PTPRD: variants seen among roughly 807,000 people sequenced by gnomAD.
PTPRD encodes the protein protein tyrosine phosphatase receptor type D.
A neutral mutation model predicts 214.5 loss-of-function variants in PTPRD; 34 were observed. The ratio of observed to expected loss-of-function variants is 0.16; its 90% CI spans 0.12 to 0.21. PTPRD has a LOEUF of 0.21. PTPRD is among the 10% of genes least tolerant of loss of function. PTPRD has a pLI of 1.00. For missense variants in PTPRD, 2,545 were observed against 2,398.7 expected (o/e 1.06, Z -1.27); for synonymous variants, 1,128 against 845.7 (o/e 1.33, Z -5.79).
At chr9:9,275,833 A>ATGTGTGTG (rs71500979) in intron 9 of PTPRD, among the ~76,000 whole-genome samples, 7 of 143,192 alleles carry the variant, frequency 4.9e-5, no homozygotes, top group Non-Finnish European at 1.1e-4. Flanking sequence ...GTGTGTGTGT[A>ATGTGTGTG]TGTGTGTGTG....
chr9:8,986,931 G>T (rs1158423552), intron 11 of PTPRD, among the ~76,000 whole-genome samples: 2 of 151,958 alleles, frequency 1.3e-5, no homozygotes, highest in African/African-American at 2.4e-5. Flanking sequence ...GGACTAAGGA[G>T]GCTGAATATT....
chr9:8,364,833 A>G (rs2134054330), intron 39 of PTPRD, among the ~76,000 whole-genome samples: 1 of 152,242 alleles, frequency 6.6e-6, no homozygotes, highest in Non-Finnish European at 1.5e-5. Context: ...CCCATTATTC[A>G]TGGGCTTGAA....
At chr9:8,914,546 C>T (rs1330525436) in intron 11 of PTPRD, among the ~76,000 whole-genome samples, 1 of 151,930 alleles carries the variant, frequency 6.6e-6, no homozygotes, top group East Asian at 1.9e-4. Context: ...TAAATCTGGA[C>T]CTGAAGCAAG....
intron 2 of PTPRD, among the ~76,000 whole-genome samples, chr9:10,346,635 T>A (rs1029865899): frequency 2.0e-5 from 3 of 152,234 alleles, no homozygotes; most frequent in Non-Finnish European, 4.4e-5. Flanking sequence ...TTTTCCATTC[T>A]AAGGTCAGTG....
rs2096988518 is a variant in PTPRD, at chr9:8,485,751, A to G, written c.3055+11T>C. 1 of 1,601,320 alleles carries G rather than the reference A, an allele frequency of 6.2e-7. No homozygotes were observed. Among genetic ancestry groups the G allele is most frequent in the East Asian group, 2.2e-5 (1 of 44,740 alleles). On this transcript the variant is annotated intron_variant, in intron 28 of 45. Coordinates refer to ENST00000381196, the MANE Select transcript of PTPRD (RefSeq NM_002839.4). ...TTTAAAGGAGGAAGGCCGTAAGCAGACAAATCCTACCTTGATCCACAGGCA... is the reference window on the plus strand; with the variant it reads ...TTTAAAGGAGGAAGGCCGTAAGCAGGCAAATCCTACCTTGATCCACAGGCA...
At chr9:10,044,625 C>A (rs1052985962) in intron 3 of PTPRD, among the ~76,000 whole-genome samples, 1 of 151,578 alleles carries the variant, frequency 6.6e-6, no homozygotes, top group African/African-American at 2.4e-5. Flanking sequence ...TCGCTAGAAC[C>A]ATATTAGATC....
intron 29 of PTPRD, among the ~76,000 whole-genome samples, chr9:8,484,708 A>C (rs1033987528): frequency 6.9e-6 from 1 of 144,046 alleles, no homozygotes; most frequent in Non-Finnish European, 1.5e-5. Context: ...TCTACGTTTC[A>C]ACGTATTATG....
chr9:9,546,432 T>TTTATTCATG (rs1342363975), intron 8 of PTPRD, among the ~76,000 whole-genome samples: 4 of 151,844 alleles, frequency 2.6e-5, no homozygotes, highest in African/African-American at 9.7e-5. Context: ...TTTTATCTTC[T>TTTATTCATG]TTATTCATGT....
chr9:9,086,473 G>A (rs747497389), intron 10 of PTPRD, among the ~76,000 whole-genome samples: 1 of 152,104 alleles, frequency 6.6e-6, no homozygotes, highest in African/African-American at 2.4e-5. Context: ...TTTATATACT[G>A]ATTTGCTTGT....
intron 10 of PTPRD, chr9:9,091,222 C>T (rs772447964): frequency 3.4e-5 from 46 of 1,360,916 alleles, no homozygotes; most frequent in Admixed American, 3.3e-4. Flanking sequence ...TGCTGCCCCA[C>T]GTCCCCCACC....
intron 7 of PTPRD, among the ~76,000 whole-genome samples, chr9:9,599,305 G>T (rs1563964084): frequency 6.6e-6 from 1 of 152,126 alleles, no homozygotes; most frequent in South Asian, 2.1e-4. Context: ...GCCTTAGAAA[G>T]GACACACAAT....
chr9:9,750,953 T>A (rs908907321), intron 6 of PTPRD, among the ~76,000 whole-genome samples: 5 of 152,114 alleles, frequency 3.3e-5, no homozygotes, highest in Admixed American at 2.6e-4. Flanking sequence ...GTCGCAATCA[T>A]TAAAGTGCAT....
chr9:9,728,419 T>C (rs2098129608), intron 7 of PTPRD, among the ~76,000 whole-genome samples: 1 of 152,224 alleles, frequency 6.6e-6, no homozygotes, highest in Non-Finnish European at 1.5e-5. Flanking sequence ...TCTAGTCCTA[T>C]GTGTGAAGAA....
chr9:9,717,065 A>G (rs545743936), intron 7 of PTPRD, among the ~76,000 whole-genome samples: 78 of 152,248 alleles, frequency 5.1e-4, no homozygotes, highest in African/African-American at 1.8e-3. Context: ...AGCTTTCTCC[A>G]TATGGCTAGC....
chr9:9,898,769 C>G (rs1221662201), intron 5 of PTPRD, among the ~76,000 whole-genome samples: 1 of 152,064 alleles, frequency 6.6e-6, no homozygotes, highest in East Asian at 1.9e-4. Flanking sequence ...GACTAATGTT[C>G]TAACTTTGGT....
intron 7 of PTPRD, among the ~76,000 whole-genome samples, chr9:9,599,330 T>C (rs2093590965): frequency 6.6e-6 from 1 of 152,070 alleles, no homozygotes; most frequent in African/African-American, 2.4e-5. Flanking sequence ...AGATGCCCAC[T>C]GGCTCTTTTA....
At position 9,676,978 on chromosome 9, in the gene PTPRD, T is replaced by A. The variant is rs549034829; in HGVS notation, c.-287+57555A>T. ...GCCCACTTGTTGATGGGGTTGTTTG[T>A]TTTTTTTCTTGTAAATTTGTTTGAG... is the stretch of plus-strand genomic sequence containing the variant. On this transcript the variant is annotated intron_variant, in intron 7 of 45. Transcript: ENST00000381196. 3.3e-5 allele frequency among the ~76,000 whole-genome samples: 5 copies of A among 152,000 alleles called. No homozygotes were observed. The East Asian group carries it at 9.7e-4, about 30-fold the overall frequency.
At chr9:9,198,000 T>C (rs1446447015) in intron 9 of PTPRD, among the ~76,000 whole-genome samples, 1 of 152,190 alleles carries the variant, frequency 6.6e-6, no homozygotes, top group Non-Finnish European at 1.5e-5. Context: ...AGAAAAATAA[T>C]AATTTCAAAT....
intron 11 of PTPRD, among the ~76,000 whole-genome samples, chr9:8,764,560 G>T (rs2094588936): frequency 6.6e-6 from 1 of 152,050 alleles, no homozygotes; most frequent in African/African-American, 2.4e-5. Context: ...CACTTAGGAA[G>T]GCCAAGGTGG....
Sources: gnomAD v4.1 joint callset for allele counts (sites outside exome capture counted in the v4.1 genomes callset) on GRCh38, gnomAD v4.1.1 for gene constraint, MANE v1.5 for transcripts, NCBI Gene and HGNC (gene_info 2026-07-23, HGNC 2026-07-21) for gene names.